ACO2: variants seen among roughly 807,000 people sequenced by gnomAD.
ACO2 encodes the protein aconitase 2.
A neutral mutation model predicts 84.5 loss-of-function variants in ACO2; 31 were observed. The ratio of observed to expected loss-of-function variants is 0.37; its 90% CI spans 0.28 to 0.50. The LOEUF (loss-of-function observed/expected upper bound fraction) is 0.50. ACO2 is among the 20% of genes least tolerant of loss of function. The pLI is 0.97. For synonymous variants in ACO2, 414 were observed against 412.7 expected, an observed-to-expected ratio of 1.00 and a Z score of -0.04; for missense variants, 685 against 1,029.3, an observed-to-expected ratio of 0.67 and a Z score of 4.58.
chr22:41,471,034 G>T (rs2037940411), intron 1 of ACO2, among the ~76,000 whole-genome samples: 1 of 152,160 alleles, frequency 6.6e-6, no homozygotes. Context: ...TATTAGACTG[G>T]TGTAGAAGGA....
chr22:41,523,801 C>A, intron 11 of ACO2, 29 bp from the exon 12 acceptor site: 1 of 1,591,226 alleles, frequency 6.3e-7, no homozygotes, highest in Non-Finnish European at 8.6e-7. Flanking sequence ...GGCCAGATAT[C>A]CCTAACCCTG....
intron 1 of ACO2, among the ~76,000 whole-genome samples, chr22:41,481,055 A>C (rs1314150734): frequency 1.3e-5 from 2 of 151,994 alleles, no homozygotes; most frequent in South Asian, 2.1e-4. Context: ...GTGGTGATCC[A>C]CCTGTCTCGG....
intron 1 of ACO2, among the ~76,000 whole-genome samples, chr22:41,475,782 C>T (rs1424001349): frequency 6.6e-6 from 1 of 151,546 alleles, no homozygotes; most frequent in Admixed American, 6.6e-5. Context: ...CCTGTGATCC[C>T]AGCTACTCAG....
At chr22:41,508,950 A>T (rs552822460) in intron 3 of ACO2, among the ~76,000 whole-genome samples, 8 of 152,214 alleles carry the variant, frequency 5.3e-5, no homozygotes, top group African/African-American at 1.9e-4. Context: ...CCCCATGGGA[A>T]ACACTCGGGG....
chr22:41,518,710 G>C, intron 8 of ACO2, 138 bp downstream of exon 8: 1 of 657,470 alleles, frequency 1.5e-6, no homozygotes, highest in Non-Finnish European at 2.7e-6. Context: ...AAGGCAGGTG[G>C]GTCAGTTGAG....
intron 1 of ACO2, among the ~76,000 whole-genome samples, chr22:41,480,737 A>C (rs1057000547): frequency 6.6e-6 from 1 of 152,166 alleles, no homozygotes; most frequent in Non-Finnish European, 1.5e-5. Flanking sequence ...CCCCAGGGCA[A>C]TTTTGTGTTT....
At chr22:41,525,385 G>C in intron 14 of ACO2, 37 bp downstream of exon 14, 2 of 1,608,516 alleles carry the variant, frequency 1.2e-6, no homozygotes, top group Admixed American at 1.7e-5. Flanking sequence ...GCCCCACCCT[G>C]CCAGGGCCCC....
At chr22:41,523,628 T>C (rs2066545975) in intron 11 of ACO2, among the ~76,000 whole-genome samples, 1 of 152,192 alleles carries the variant, frequency 6.6e-6, no homozygotes, top group East Asian at 1.9e-4. Context: ...TTACGTGTGG[T>C]TGCAGGCTGG....
chr22:41,497,744 G>T (rs955641565), intron 1 of ACO2, among the ~76,000 whole-genome samples: 5 of 152,116 alleles, frequency 3.3e-5, no homozygotes, highest in African/African-American at 1.2e-4. Context: ...TTAGCAAAGT[G>T]TGGCGGCGTG....
intron 2 of ACO2, among the ~76,000 whole-genome samples, chr22:41,500,300 A>ATTTT (rs2066344614): frequency 2.7e-5 from 4 of 149,300 alleles, no homozygotes; most frequent in African/African-American, 4.9e-5. Flanking sequence ...TTTTTAATTT[A>ATTTT]ATTTTATTTT....
At chr22:41,500,139 A>G (rs1425269724) in intron 2 of ACO2, among the ~76,000 whole-genome samples, 1 of 152,002 alleles carries the variant, frequency 6.6e-6, no homozygotes, top group Non-Finnish European at 1.5e-5. Context: ...TGAACCTCCC[A>G]ACCTTTTCAG....
At chr22:41,505,716 G>A (rs2066388263) in intron 2 of ACO2, among the ~76,000 whole-genome samples, 1 of 151,992 alleles carries the variant, frequency 6.6e-6, no homozygotes, top group Non-Finnish European at 1.5e-5. Flanking sequence ...TAAATGCTAC[G>A]ATAACGCTGG....
intron 1 of ACO2, among the ~76,000 whole-genome samples, chr22:41,477,745 C>A (rs775420488): frequency 4.6e-5 from 7 of 152,094 alleles, no homozygotes; most frequent in Non-Finnish European, 1.0e-4. Context: ...ATCACCCCAG[C>A]CTTTATCCTT....
At chr22:41,522,702 TAA>T (rs943059174) in intron 9 of ACO2, 126 bp from the exon 10 acceptor site, 1 of 1,074,496 alleles carries the variant, frequency 9.3e-7, no homozygotes. Flanking sequence ...TGGTCTCTGT[TAA>T]AAAAGTCTCT....
At chr22:41,492,422 A>G (rs1483638314) in intron 1 of ACO2, among the ~76,000 whole-genome samples, 4 of 152,150 alleles carry the variant, frequency 2.6e-5, no homozygotes, top group Non-Finnish European at 5.9e-5. Context: ...GGATCACCTG[A>G]GGTCAGGAGT....
rs1057524014 is a variant in ACO2, at chr22:41,517,513, C to G, written c.836-14C>G. 4 of 1,612,536 alleles carry G rather than the reference C, an allele frequency of 2.5e-6. No individual in the cohort carries two copies. Among genetic ancestry groups the G allele is most frequent in the East Asian group, 2.2e-5 (1 of 44,856 alleles). On this transcript the variant is annotated splice_polypyrimidine_tract_variant and intron_variant, in intron 6 of 17. Transcript: ENST00000216254. ...CGGCCACCAGCCAATGCCCGGGGCT[C>G]TGTTGCTCCACAGGCATGGCGACAA...
At chr22:41,522,788 G>A in intron 9 of ACO2, 42 bp from the exon 10 acceptor site, 1 of 1,605,886 alleles carries the variant, frequency 6.2e-7, no homozygotes, top group South Asian at 1.1e-5. Flanking sequence ...TCTGCTCACT[G>A]TCTCCTCCTG....
rs113229682 is a variant in ACO2 at position 41,527,243 on chromosome 22, G to A, written c.1954-45G>A. The A allele has an allele frequency of 7.4e-5, 120 of 1,612,936 alleles. 4 individuals carry two copies. Among genetic ancestry groups the A allele is most frequent in the African/African-American group, 5.6e-4 (42 of 74,352 alleles). The stretch of plus-strand genomic sequence containing the variant: ...CAGGTAGGGCCAGACAGGTGAGGAC[G>A]GTGCCCTCCTCTGCCTTATAACCTT... On this transcript the variant is annotated intron_variant, in intron 15 of 17. Coordinates refer to ENST00000216254, the MANE Select transcript of ACO2 (RefSeq NM_001098.3).
At chr22:41,523,155 A>G (rs752372964) in intron 10 of ACO2, 50 bp from the exon 11 acceptor site, 10 of 1,569,892 alleles carry the variant, frequency 6.4e-6, no homozygotes, top group Non-Finnish European at 8.7e-6. Context: ...ACCCCTTCCC[A>G]TCAGACTCTC....
Sources: gnomAD v4.1 joint callset for allele counts (sites outside exome capture counted in the v4.1 genomes callset) on GRCh38, gnomAD v4.1.1 for gene constraint, MANE v1.5 for transcripts, NCBI Gene and HGNC (gene_info 2026-07-23, HGNC 2026-07-21) for gene names.